Variants in DPP6 observed in about 807,000 individuals in gnomAD.
DPP6 encodes dipeptidyl peptidase like 6, also known as A-type potassium channel modulatory protein DPP6.
DPP6 carries 69 observed loss-of-function variants against 122.6 expected under a neutral mutation model. That is an observed-to-expected ratio of 0.56 (90% CI 0.46 to 0.69). The LOEUF (loss-of-function observed/expected upper bound fraction) is 0.69. Ranked by LOEUF, DPP6 falls within the 30% of genes least tolerant of loss-of-function variation. DPP6 has a pLI of 0.00. For missense variants in DPP6, 928 were observed against 1,116.9 expected, an observed-to-expected ratio of 0.83 and a Z score of 2.41; for synonymous variants, 418 against 433.1, an observed-to-expected ratio of 0.97 and a Z score of 0.43.
intron 1 of DPP6, among the ~76,000 whole-genome samples, chr7:154,150,250 C>A (rs1297152098): frequency 6.6e-6 from 1 of 152,090 alleles, no homozygotes; most frequent in African/African-American, 2.4e-5. Flanking sequence ...CTTTTGAGAG[C>A]TCCCTCTCTC....
chr7:154,581,349 G>C (rs1430859960), intron 5 of DPP6, among the ~76,000 whole-genome samples: 4 of 152,076 alleles, frequency 2.6e-5, no homozygotes, highest in African/African-American at 9.7e-5. Context: ...GAGACAGAGG[G>C]GACAGGAAGA....
intron 1 of DPP6, among the ~76,000 whole-genome samples, chr7:153,896,232 C>T (rs1300577207): frequency 1.3e-5 from 2 of 152,182 alleles, no homozygotes; most frequent in Admixed American, 6.5e-5. Context: ...AGTAAAACCT[C>T]CACTGACAGA....
In DPP6 at chr7:154,892,975, C is replaced by A. The variant is rs914583971; in HGVS notation, c.*495C>A. 1.2e-5 allele frequency: 6 copies of A among 516,068 alleles called. No individual in the cohort carries two copies. The highest frequency in any genetic ancestry group is 1.2e-4 in the African/African-American group (6 of 51,952). The allele number at this position is 516,068 out of a possible 1,614,324, so 32.0% of individuals were successfully genotyped here. A position where few individuals can be genotyped will look rare whatever the true frequency, so the allele number is the denominator to read the frequency against. ...TGCGTGTTCATATATGGGCTTGCTA[C>A]TTCCTGTAATGAGGACGTTCAACAT... is the stretch of plus-strand genomic sequence containing the variant. On this transcript the variant is annotated 3_prime_UTR_variant, in exon 26 of 26. Transcript: ENST00000377770.
the DPP6 span, among the ~76,000 whole-genome samples, chr7:153,858,409 T>A: frequency 6.6e-6 from 1 of 152,198 alleles, no homozygotes; most frequent in Non-Finnish European, 1.5e-5. Context: ...GTGTAAACAC[T>A]TGTTTCTCCA....
At chr7:154,024,469 G>C (rs1156637242) in intron 1 of DPP6, among the ~76,000 whole-genome samples, 1 of 151,886 alleles carries the variant, frequency 6.6e-6, no homozygotes, top group East Asian at 1.9e-4. Context: ...ATGCTCACTG[G>C]AACACTTCTT....
In DPP6 at chr7:154,040,314, T is replaced by C. The variant is rs529571830; in HGVS notation, c.51+152580T>C. ...CCATGAAGCTGTAAGAAGTGTTTTT[T>C]TGTCACTTTTTAATGCTGATTTATT... is the stretch of plus-strand genomic sequence containing the variant. On this transcript the variant is annotated intron_variant, in intron 1 of 25. Coordinates refer to the DPP6 transcript ENST00000404039. 2.6e-4 allele frequency among the ~76,000 whole-genome samples: 38 copies of C among 147,394 alleles called. No individual in the cohort carries two copies. In the South Asian group the frequency reaches 8.0e-3, roughly 31 times the overall value.
chr7:154,845,716 T>G (rs1801892020), intron 16 of DPP6, among the ~76,000 whole-genome samples: 1 of 152,206 alleles, frequency 6.6e-6, no homozygotes, highest in South Asian at 2.1e-4. Context: ...ATTCAAACAT[T>G]TACCCATTAG....
rs1257862585 is a variant in DPP6 at position 154,282,667 on chromosome 7, AT to A, written c.244-163544del. 1.3e-5 allele frequency among the ~76,000 whole-genome samples: 2 copies of A among 152,220 alleles called. No homozygotes were observed. Among genetic ancestry groups the A allele is most frequent in the Non-Finnish European group, 2.9e-5 (2 of 68,042 alleles). Reference sequence around the variant, plus strand: ...TATGTTGCATGCTTACTTGAAAGGAATTTGCACAGAGTGGTTTGTTTATACT... The same window carrying A: ...TATGTTGCATGCTTACTTGAAAGGAATTGCACAGAGTGGTTTGTTTATACT... On this transcript the variant is annotated intron_variant, in intron 1 of 25. Coordinates refer to ENST00000377770, the MANE Select transcript of DPP6 (RefSeq NM_130797.4). The surrounding 1 kb of genome is among the most constrained non-coding windows in gnomAD (Gnocchi z 4.8).
At chr7:154,089,120 C>T (rs1199493713) in intron 1 of DPP6, among the ~76,000 whole-genome samples, 1 of 152,140 alleles carries the variant, frequency 6.6e-6, no homozygotes, top group Non-Finnish European at 1.5e-5. Context: ...GTCACAGAAG[C>T]AGAATTGGAT....
At chr7:154,847,809 C>T (rs997620123) in intron 16 of DPP6, among the ~76,000 whole-genome samples, 1 of 152,182 alleles carries the variant, frequency 6.6e-6, no homozygotes, top group Non-Finnish European at 1.5e-5. Context: ...ACCGATAACT[C>T]CCTTTTCCCC....
chr7:153,820,047 C>T, the DPP6 span, among the ~76,000 whole-genome samples: 1 of 152,088 alleles, frequency 6.6e-6, no homozygotes, highest in African/African-American at 2.4e-5. Context: ...TTACTTAGTT[C>T]TTCAGGGAAT....
the DPP6 span, among the ~76,000 whole-genome samples, chr7:153,861,915 A>G: frequency 6.6e-6 from 1 of 152,220 alleles, no homozygotes; most frequent in Non-Finnish European, 1.5e-5. Context: ...AGAATGTTGC[A>G]ATCCAGGTAA....
At chr7:154,306,127 G>A (rs1437344279) in intron 1 of DPP6, among the ~76,000 whole-genome samples, 1 of 152,176 alleles carries the variant, frequency 6.6e-6, no homozygotes, top group African/African-American at 2.4e-5. Context: ...AAGGATAGAC[G>A]GTCGGGATAA....
chr7:153,768,500 C>A, the DPP6 span, among the ~76,000 whole-genome samples: 1 of 152,038 alleles, frequency 6.6e-6, no homozygotes, highest in Non-Finnish European at 1.5e-5. Flanking sequence ...GGCAGTTGTG[C>A]TGGTTTATAT....
At chr7:154,213,028 G>A (rs1438381064) in intron 1 of DPP6, among the ~76,000 whole-genome samples, 3 of 152,198 alleles carry the variant, frequency 2.0e-5, no homozygotes, top group Non-Finnish European at 4.4e-5. Flanking sequence ...AACAGACAAA[G>A]ACCAGACATC....
chr7:153,893,158 T>C (rs1278946606), intron 1 of DPP6, among the ~76,000 whole-genome samples: 2 of 152,246 alleles, frequency 1.3e-5, no homozygotes, highest in Non-Finnish European at 2.9e-5. Context: ...TGTGCTGTTT[T>C]TTCACAGAGC....
chr7:154,637,693 G>T (rs1272433926), intron 5 of DPP6, 128 bp from the exon 6 acceptor site: 3 of 856,490 alleles, frequency 3.5e-6, no homozygotes, highest in East Asian at 2.9e-5. Context: ...AAAAGACTTT[G>T]TCTCCAGGTG....
At chr7:154,493,361 C>A (rs1824454118) in intron 3 of DPP6, among the ~76,000 whole-genome samples, 1 of 152,128 alleles carries the variant, frequency 6.6e-6, no homozygotes, top group Non-Finnish European at 1.5e-5. Flanking sequence ...TAAGCACAGA[C>A]CTGCAACTTT....
intron 1 of DPP6, among the ~76,000 whole-genome samples, chr7:154,331,617 G>T (rs1017097163): frequency 6.6e-6 from 1 of 152,168 alleles, no homozygotes; most frequent in Non-Finnish European, 1.5e-5. Context: ...ATCCACGAGG[G>T]AATAGCCATC....
Sources: allele counts gnomAD v4.1 joint callset (sites outside exome capture counted in the v4.1 genomes callset), GRCh38; gene constraint gnomAD v4.1.1; non-coding constraint Gnocchi (gnomAD v3.1); transcripts MANE v1.5; gene names NCBI Gene and HGNC (gene_info 2026-07-23, HGNC 2026-07-21).